Variants in CDK20 observed in about 807,000 individuals in gnomAD.
CDK20 encodes cyclin-dependent kinase 20.
A neutral mutation model predicts 38.6 loss-of-function variants in CDK20; 40 were observed. The observed-to-expected ratio is 1.04, with a 90% CI of 0.81 to 1.35. The LOEUF (loss-of-function observed/expected upper bound fraction) is 1.35, where lower values mean the gene tolerates loss of function less well. Among genes scored for constraint, CDK20 ranks in the 40% most tolerant of loss-of-function variants. CDK20 has a pLI of 0.00. For synonymous variants in CDK20, 209 were observed against 185.7 expected, an observed-to-expected ratio of 1.13 and a Z score of -1.02; for missense variants, 512 against 452.6, an observed-to-expected ratio of 1.13 and a Z score of -1.19.
At chr9:87,970,504 G>T (rs1332698896) in intron 5 of CDK20, 64 bp downstream of exon 5, 1 of 1,458,448 alleles carries the variant, frequency 6.9e-7, no homozygotes, top group African/African-American at 1.4e-5. Flanking sequence ...ACAGCTCAGA[G>T]ACCTCAGAGC....
chr9:87,973,933 C>T lies in CDK20; in HGVS notation c.178G>A (p.Asp60Asn), dbSNP rs562782648. 6 of 1,613,952 alleles carry T rather than the reference C, an allele frequency of 3.7e-6. No individual in the cohort carries two copies. Among genetic ancestry groups the T allele is most frequent in the African/African-American group, 1.3e-5 (1 of 75,056 alleles). Residue 60 changes from aspartate (D) to asparagine (N), a missense_variant, in exon 2 of 8, where the codon GAC becomes AAC. Coordinates refer to ENST00000325303, the MANE Select transcript of CDK20 (RefSeq NM_001039803.3). Reference sequence around the variant, plus strand: ...CCTCCCCTACTCACATACTGATTGTCCTCCATCTCCTGCAGAGCCTTAATC... The same window carrying T: ...CCTCCCCTACTCACATACTGATTGTTCTCCATCTCCTGCAGAGCCTTAATC... ...REIKALQEME[D>N]NQYVVQLKAV... is the part of the protein sequence containing the mutation.
chr9:87,973,111 CA>C (rs1372663989), intron 2 of CDK20, among the ~76,000 whole-genome samples: 1 of 152,110 alleles, frequency 6.6e-6, no homozygotes, highest in Non-Finnish European at 1.5e-5. Flanking sequence ...TTTTGTCATC[CA>C]ATATATCATG....
intron 2 of CDK20, 51 bp downstream of exon 2, chr9:87,973,871 G>C: frequency 1.3e-6 from 2 of 1,568,904 alleles, no homozygotes; most frequent in Non-Finnish European, 1.7e-6. Context: ...ACAAAGAAGT[G>C]GGAACGAGCG....
intron 2 of CDK20, among the ~76,000 whole-genome samples, chr9:87,972,333 G>A (rs28364944): frequency 0.016 from 2,468 of 152,280 alleles, 81 homozygotes; most frequent in African/African-American, 0.055. Flanking sequence ...CTGGGATAAA[G>A]CTCTGAGCAG....
chr9:87,970,907 C>T lies in CDK20; in HGVS notation c.379-10G>A, dbSNP rs763603752. The stretch of plus-strand genomic sequence containing the variant: ...TGGCAGGTTTCAGGTCCTGGGAGTA[C>T]CAAAAGAAGCATCAGTCCCTCCAAA... On this transcript the variant is annotated splice_polypyrimidine_tract_variant and intron_variant, in intron 3 of 7. Coordinates refer to ENST00000325303, the MANE Select transcript of CDK20 (RefSeq NM_001039803.3). The T allele has an allele frequency of 3.7e-6, 6 of 1,613,898 alleles. No homozygotes were observed. The highest frequency in any genetic ancestry group is 1.1e-5 in the South Asian group (1 of 91,064).
At chr9:87,973,895 A>C (rs777851032) in intron 2 of CDK20, 27 bp downstream of exon 2, 1 of 1,606,214 alleles carries the variant, frequency 6.2e-7, no homozygotes, top group Non-Finnish European at 8.5e-7. Context: ...GAGGGTGAGA[A>C]TACCATGCCC....
At position 87,969,939 on chromosome 9, in the gene CDK20, A is replaced by C. The variant is rs185397497; in HGVS notation, c.564-20T>G. 1 of 1,540,320 alleles carries C rather than the reference A, an allele frequency of 6.5e-7. No homozygotes were observed. Among genetic ancestry groups the C allele is most frequent in the Non-Finnish European group, 8.8e-7 (1 of 1,141,364 alleles). ...ACAGACCTGTGGACACAGAGCCCCA[A>C]GCAGGTCAGAGATCTCCCACCATGG... On this transcript the variant is annotated intron_variant, in intron 5 of 7. Coordinates refer to ENST00000325303, the MANE Select transcript of CDK20 (RefSeq NM_001039803.3).
intron 5 of CDK20, 121 bp downstream of exon 5, chr9:87,970,447 G>GA: frequency 1.1e-6 from 1 of 893,110 alleles, no homozygotes; most frequent in Non-Finnish European, 1.7e-6. Flanking sequence ...AACCAGGGAA[G>GA]ACACCCTTAA....
rs1829801823 is a variant in CDK20 at position 87,970,847 on chromosome 9, T to C, written c.429A>G (p.Ile143Met). 2 of 1,614,206 alleles carry C rather than the reference T, an allele frequency of 1.2e-6. No homozygotes were observed. Among genetic ancestry groups the C allele is most frequent in the Non-Finnish European group, 1.7e-6 (2 of 1,180,036 alleles). Residue 143 changes from isoleucine (I) to methionine (M), a missense_variant, in exon 4 of 8, where the codon ATA becomes ATG. Physicochemically the swap from Ile to Met is conservative, Grantham distance 10. Transcript: ENST00000325303. ...LLISASGQLK[I>M]ADFGLARVFS... is the part of the protein sequence containing the mutation. ...AGACTCGAGCCAGGCCAAAGTCCGC[T>C]ATCTTGAGCTGGCCTGAGGCGCTGA... is the stretch of plus-strand genomic sequence containing the variant.
At chr9:87,973,065 A>G (rs1245513476) in intron 2 of CDK20, among the ~76,000 whole-genome samples, 1 of 152,190 alleles carries the variant, frequency 6.6e-6, no homozygotes, top group East Asian at 1.9e-4. Context: ...AATATTTCCA[A>G]ACAAAACCCA....
intron 6 of CDK20, 28 bp from the exon 7 acceptor site, chr9:87,969,377 A>G (rs113118957): frequency 8.7e-6 from 14 of 1,611,484 alleles, no homozygotes; most frequent in African/African-American, 8.0e-5. Flanking sequence ...AACAGGGTAC[A>G]ATGAGAGTAG....
At chr9:87,972,308 C>G (rs530501127) in intron 2 of CDK20, among the ~76,000 whole-genome samples, 31 of 152,136 alleles carry the variant, frequency 2.0e-4, no homozygotes, top group Non-Finnish European at 4.3e-4. Flanking sequence ...AGATGAGGAC[C>G]CAGTTTGTGG....
chr9:87,969,191 T>TAC lies in CDK20; in HGVS notation c.843+1_843+2dup, dbSNP rs1296875245. On this transcript the variant is annotated splice_region_variant and intron_variant, in intron 7 of 7. Coordinates refer to ENST00000325303, the MANE Select transcript of CDK20 (RefSeq NM_001039803.3). ...GAGCAGAGACTACAGCCTCTCCCCC[T>TAC]ACCTTGGAAGCTGCGATGCGCTGGT... 1 of 1,613,536 alleles carries TAC rather than the reference T, an allele frequency of 6.2e-7. No individual in the cohort carries two copies. Among genetic ancestry groups the TAC allele is most frequent in the African/African-American group, 1.3e-5 (1 of 74,902 alleles).
At chr9:87,968,811 T>C (rs1218885380) in intron 7 of CDK20, 1 of 234,874 alleles carries the variant, frequency 4.3e-6, no homozygotes, top group Non-Finnish European at 8.5e-6. Context: ...GGACAATCCC[T>C]GCATGTGCCA....
intron 1 of CDK20, 124 bp from the exon 2 acceptor site, chr9:87,974,159 G>A (rs1830065541): frequency 2.0e-6 from 3 of 1,523,056 alleles, no homozygotes; most frequent in South Asian, 2.4e-5. Flanking sequence ...GCCCTCCTCG[G>A]GGGTCTAGGA....
chr9:87,969,051 T>A (rs1829655711), intron 7 of CDK20, 143 bp downstream of exon 7: 1 of 948,642 alleles, frequency 1.1e-6, no homozygotes, highest in Non-Finnish European at 1.6e-6. Context: ...GTCCCCTGGG[T>A]TCCAGATGTC....
At chr9:87,969,705 A>C in intron 6 of CDK20, 91 bp downstream of exon 6, 1 of 1,575,366 alleles carries the variant, frequency 6.3e-7, no homozygotes, top group East Asian at 2.3e-5. Context: ...TGGGGCCAGG[A>C]GAGAGAAGGT....
rs185291669 is a variant in CDK20, at chr9:87,974,530, G to T, written c.-84C>A. The T allele has an allele frequency of 2.4e-6, 3 of 1,257,242 alleles. No homozygotes were observed. The African/African-American group carries it at 4.5e-5, about 19-fold the overall frequency. The allele number at this position is 1,257,242 out of a possible 1,614,324, so 77.9% of individuals were successfully genotyped here. On this transcript the variant is annotated 5_prime_UTR_variant, in exon 1 of 8. Transcript: ENST00000325303. The stretch of plus-strand genomic sequence containing the variant: ...CTCCACCCCACGCTGATCTGAGCTC[G>T]CACGCTGTTGCCTAGCAACAGCGCG...
Position 87,967,379 on chromosome 9 carries a change from GA to G in CDK20, c.*82del. ...CCACTGTGGCCATGGGGAGGCCTTG[GA>G]GGGTGAAGCCAGGCAGGTGGCAGAG... is the stretch of plus-strand genomic sequence containing the variant. On this transcript the variant is annotated 3_prime_UTR_variant, in exon 8 of 8. Transcript: ENST00000325303. 4 of 1,407,006 alleles carry G rather than the reference GA, an allele frequency of 2.8e-6. No homozygotes were observed. In the African/African-American group the frequency reaches 4.3e-5, roughly 15 times the overall value. 87.2% of individuals were successfully genotyped at this position (1,407,006 alleles called of 1,614,324 possible).
Sources: allele counts gnomAD v4.1 joint callset (sites outside exome capture counted in the v4.1 genomes callset), GRCh38; gene constraint gnomAD v4.1.1; transcripts MANE v1.5; gene names NCBI Gene and HGNC (gene_info 2026-07-23, HGNC 2026-07-21).